Variants in COL22A1 observed in about 807,000 individuals in gnomAD.
COL22A1 encodes collagen type XXII alpha 1 chain.
COL22A1 carries 221 observed loss-of-function variants against 248.9 expected under a neutral mutation model. The ratio of observed to expected loss-of-function variants is 0.89; its 90% CI spans 0.80 to 0.99. COL22A1 has a LOEUF of 0.99. Among genes scored for constraint, COL22A1 ranks in the 50% least tolerant of loss-of-function variants. The pLI, the probability that COL22A1 is intolerant of heterozygous loss-of-function variation, is 0.00. For missense variants in COL22A1, 2,240 were observed against 2,179.0 expected (o/e 1.03, Z -0.56); for synonymous variants, 891 against 793.4 (o/e 1.12, Z -2.07).
intron 14 of COL22A1, among the ~76,000 whole-genome samples, chr8:138,778,962 AAAT>A (rs1476653609): frequency 1.3e-5 from 2 of 152,260 alleles, no homozygotes; most frequent in African/African-American, 4.8e-5. Flanking sequence ...AAGTCTGCTA[AAAT>A]AACAACATGT....
chr8:138,752,502 C>T (rs981367745), intron 21 of COL22A1, among the ~76,000 whole-genome samples: 3 of 151,740 alleles, frequency 2.0e-5, no homozygotes, highest in African/African-American at 7.3e-5. Context: ...GTGTGGATCT[C>T]TCTTCCTAAC....
At chr8:138,802,647 T>C (rs1406087469) in intron 11 of COL22A1, among the ~76,000 whole-genome samples, 1 of 152,086 alleles carries the variant, frequency 6.6e-6, no homozygotes. Context: ...ATTCTGGTTA[T>C]GGGGTGGCAA....
At chr8:138,861,276 T>C (rs1322246907) in intron 3 of COL22A1, among the ~76,000 whole-genome samples, 1 of 152,202 alleles carries the variant, frequency 6.6e-6, no homozygotes, top group Non-Finnish European at 1.5e-5. Flanking sequence ...CGGGCTCACA[T>C]GAAGCTCATG....
At position 138,685,246 on chromosome 8, in the gene COL22A1, G is replaced by T; in HGVS notation, c.2929C>A (p.Leu977Ile). ...TTCCCTTTTCCGGGTGGCCCAGGGAGCCCAGGAGCACCAGGATCTCCCCTG... is the reference window on the plus strand; with the variant it reads ...TTCCCTTTTCCGGGTGGCCCAGGGATCCCAGGAGCACCAGGATCTCCCCTG... The part of the protein sequence containing the change: ...GPRGDPGAPG[L>I]PGPPGKGKDG... Residue 977 changes from leucine to isoleucine, a missense_variant, in exon 38 of 65, where the codon CTC (leucine) becomes ATC (isoleucine). Coordinates refer to ENST00000303045, the MANE Select transcript of COL22A1 (RefSeq NM_152888.3). The T allele has an allele frequency of 6.2e-7, 1 of 1,613,730 alleles. No individual in the cohort carries two copies. The highest frequency in any genetic ancestry group is 8.5e-7 in the Non-Finnish European group (1 of 1,179,806).
intron 23 of COL22A1, 103 bp downstream of exon 23, chr8:138,737,421 G>C: frequency 1.2e-6 from 1 of 813,588 alleles, no homozygotes; most frequent in Non-Finnish European, 2.1e-6. Context: ...TTGATGAGGT[G>C]ACCAGCAGGA....
chr8:138,593,952 C>T (rs781554664), intron 63 of COL22A1, 65 bp downstream of exon 63: 4 of 1,307,282 alleles, frequency 3.1e-6, no homozygotes, highest in Non-Finnish European at 4.1e-6. Flanking sequence ...TGCCACCTCC[C>T]AGCCCTGTTC....
intron 30 of COL22A1, among the ~76,000 whole-genome samples, chr8:138,710,261 T>C (rs998041132): frequency 2.0e-5 from 3 of 152,128 alleles, no homozygotes; most frequent in Non-Finnish European, 2.9e-5. Context: ...CAGTCCATGG[T>C]GAGTGGATAC....
At chr8:138,615,646 G>C (rs1819255461) in intron 55 of COL22A1, among the ~76,000 whole-genome samples, 1 of 152,046 alleles carries the variant, frequency 6.6e-6, no homozygotes, top group African/African-American at 2.4e-5. Flanking sequence ...GTGGCGGTGA[G>C]GGGTGTGTGG....
rs1278861468 is a variant in COL22A1, at chr8:138,646,692, G to C, written c.3448-10C>G. On this transcript the variant is annotated splice_polypyrimidine_tract_variant and intron_variant, in intron 46 of 64. Transcript: ENST00000303045. ...GAGGCCCAGCCTCTCCCTGTATCAG[G>C]GATACAAGAAAAAAAAAGAAAACAA... 6.4e-7 allele frequency: 1 copy of C among 1,560,036 alleles called. No homozygotes were observed. The highest frequency in any genetic ancestry group is 1.4e-5 in the African/African-American group (1 of 73,354).
At chr8:138,684,393 G>A (rs764601121) in intron 39 of COL22A1, 32 bp downstream of exon 39, 61 of 1,530,700 alleles carry the variant, frequency 4.0e-5, no homozygotes, top group Admixed American at 2.0e-4. Flanking sequence ...GGCAACTCGT[G>A]GCACCCACAG....
chr8:138,737,441 C>T (rs113643418), intron 23 of COL22A1, 83 bp downstream of exon 23: 13 of 991,758 alleles, frequency 1.3e-5, no homozygotes, highest in African/African-American at 1.3e-4. Context: ...ATTCTGGCTG[C>T]CCACCTGAGA....
At position 138,877,972 on chromosome 8, in the gene COL22A1, C is replaced by T. The variant is rs1823872615; in HGVS notation, c.436G>A (p.Ala146Thr). The change falls in exon 3 of 65, where the codon GCC becomes ACC. Residue 146 changes from alanine (A) to threonine (T), a missense_variant. Ala to Thr is a moderately conservative substitution (Grantham distance 58). Transcript: ENST00000303045. ...CTGCGGCCGTCGGTGAGCAGGATGG[C>T]CACCTGCTTGTAGGCGCGGTCCCTG... ...RPRDRAYKQV[A>T]ILLTDGRSQD... The T allele has an allele frequency of 6.3e-7, 1 of 1,591,856 alleles. No individual in the cohort carries two copies. The highest frequency in any genetic ancestry group is 2.3e-5 in the East Asian group (1 of 43,676).
At chr8:138,725,251 G>T (rs1247494522) in intron 24 of COL22A1, 136 bp downstream of exon 24, 2 of 904,012 alleles carry the variant, frequency 2.2e-6, no homozygotes, top group African/African-American at 1.6e-5. Flanking sequence ...TACGTGTCGG[G>T]GTCCTCCTGT....
intron 10 of COL22A1, among the ~76,000 whole-genome samples, chr8:138,806,909 G>A (rs957065811): frequency 3.3e-5 from 5 of 152,184 alleles, no homozygotes; most frequent in Non-Finnish European, 4.4e-5. Flanking sequence ...TCTGCACCAC[G>A]AGACTCAGGC....
At chr8:138,693,991 C>T (rs1470553239) in intron 34 of COL22A1, among the ~76,000 whole-genome samples, 1 of 152,094 alleles carries the variant, frequency 6.6e-6, no homozygotes, top group African/African-American at 2.4e-5. Flanking sequence ...GGCAAGGTCC[C>T]CAGTCACCCC....
intron 15 of COL22A1, among the ~76,000 whole-genome samples, chr8:138,777,467 G>A (rs1477155619): frequency 6.6e-6 from 1 of 152,102 alleles, no homozygotes; most frequent in Non-Finnish European, 1.5e-5. Context: ...ATTTATCTAT[G>A]TTTTAAGCCC....
chr8:138,762,011 A>G (rs2131395762), intron 17 of COL22A1, among the ~76,000 whole-genome samples: 1 of 152,274 alleles, frequency 6.6e-6, no homozygotes, highest in African/African-American at 2.4e-5. Context: ...TCAGCCTCAT[A>G]GCACTCTCTG....
At chr8:138,731,415 C>T (rs896759891) in intron 23 of COL22A1, among the ~76,000 whole-genome samples, 6 of 152,068 alleles carry the variant, frequency 3.9e-5, no homozygotes, top group East Asian at 3.9e-4. Flanking sequence ...AGGCAGCCAG[C>T]GCCAGCACTG....
intron 22 of COL22A1, among the ~76,000 whole-genome samples, chr8:138,747,521 G>T (rs1208950968): frequency 6.6e-6 from 1 of 152,208 alleles, no homozygotes; most frequent in African/African-American, 2.4e-5. Context: ...CTCCACACCT[G>T]CGCCTGCCCC....
Sources: gnomAD v4.1 joint callset for allele counts (sites outside exome capture counted in the v4.1 genomes callset) on GRCh38, gnomAD v4.1.1 for gene constraint, MANE v1.5 for transcripts, NCBI Gene and HGNC (gene_info 2026-07-23, HGNC 2026-07-21) for gene names.